Variants in HHLA1 observed in about 807,000 individuals in gnomAD.
HHLA1 encodes the protein HERV-H LTR-associating protein 1.
In HHLA1, 72 loss-of-function variants were observed where a neutral mutation model predicts 69.9. The observed-to-expected ratio is 1.03, with a 90% confidence interval of 0.85 to 1.25. The LOEUF is 1.25. Ranked by LOEUF, HHLA1 falls within the 50% of genes most tolerant of loss-of-function variation. The pLI is 0.00. For missense variants in HHLA1, 685 were observed against 642.2 expected, an observed-to-expected ratio of 1.07 and a Z score of -0.72; for synonymous variants, 252 against 233.2, an observed-to-expected ratio of 1.08 and a Z score of -0.73.
intron 5 of HHLA1, among the ~76,000 whole-genome samples, chr8:132,096,530 A>G (rs763834393): frequency 6.6e-6 from 1 of 152,150 alleles, no homozygotes; most frequent in African/African-American, 2.4e-5. Context: ...TTAAACCAGG[A>G]ATACTAACAT....
At chr8:132,072,711 G>A (rs535721717) in intron 14 of HHLA1, among the ~76,000 whole-genome samples, 2 of 152,196 alleles carry the variant, frequency 1.3e-5, no homozygotes, top group South Asian at 2.1e-4. Context: ...GACTCTCTGC[G>A]GATTGTCTGG....
intron 14 of HHLA1, among the ~76,000 whole-genome samples, chr8:132,073,455 A>G (rs1823582894): frequency 6.6e-6 from 1 of 152,214 alleles, no homozygotes; most frequent in Non-Finnish European, 1.5e-5. Context: ...AGCAGTTGCT[A>G]TGTATCAGGC....
At chr8:132,107,523 C>T (rs1586737710) in intron 1 of HHLA1, among the ~76,000 whole-genome samples, 1 of 152,082 alleles carries the variant, frequency 6.6e-6, no homozygotes, top group South Asian at 2.1e-4. Context: ...CTGGTCTCGA[C>T]TCCCGACCTC....
At chr8:132,084,114 A>C (rs1266039361) in intron 10 of HHLA1, among the ~76,000 whole-genome samples, 4 of 152,152 alleles carry the variant, frequency 2.6e-5, no homozygotes, top group Non-Finnish European at 5.9e-5. Context: ...AACCTTGACT[A>C]TGCCTTTGGC....
intron 7 of HHLA1, among the ~76,000 whole-genome samples, chr8:132,090,762 T>C (rs1281699046): frequency 1.3e-5 from 2 of 149,482 alleles, no homozygotes. Flanking sequence ...TCTCTTTTTT[T>C]TTTTTTTTTT....
intron 14 of HHLA1, among the ~76,000 whole-genome samples, chr8:132,073,373 A>G (rs904617622): frequency 6.6e-6 from 1 of 152,332 alleles, no homozygotes; most frequent in Non-Finnish European, 1.5e-5. Flanking sequence ...TGAGTTAACT[A>G]GAAGATAAAC....
chr8:132,074,476 C>CT (rs1403504197), intron 14 of HHLA1, among the ~76,000 whole-genome samples: 1 of 152,148 alleles, frequency 6.6e-6, no homozygotes, highest in African/African-American at 2.4e-5. Flanking sequence ...GATATTACCT[C>CT]TCCTGCAGAA....
intron 7 of HHLA1, among the ~76,000 whole-genome samples, chr8:132,093,991 G>A (rs1027026365): frequency 5.3e-5 from 8 of 152,182 alleles, no homozygotes; most frequent in African/African-American, 1.9e-4. Context: ...ATTTGTTTTA[G>A]AAATTCTACT....
At chr8:132,090,549 CAATT>C (rs1355851190) in intron 7 of HHLA1, among the ~76,000 whole-genome samples, 1 of 152,076 alleles carries the variant, frequency 6.6e-6, no homozygotes, top group Non-Finnish European at 1.5e-5. Context: ...TGTTATGTGA[CAATT>C]AGTGGAATGT....
chr8:132,072,486 T>C (rs1823563914), intron 14 of HHLA1, among the ~76,000 whole-genome samples: 1 of 152,162 alleles, frequency 6.6e-6, no homozygotes, highest in African/African-American at 2.4e-5. Context: ...TAGGCACTGG[T>C]GACAGCCACT....
At chr8:132,085,912 T>C (rs563387958) in intron 10 of HHLA1, among the ~76,000 whole-genome samples, 4 of 151,924 alleles carry the variant, frequency 2.6e-5, no homozygotes, top group South Asian at 4.2e-4. Flanking sequence ...TTCACTTCTT[T>C]TGTGATTCTT....
intron 1 of HHLA1, among the ~76,000 whole-genome samples, chr8:132,108,399 AGAGT>A (rs1305341381): frequency 6.6e-6 from 1 of 152,218 alleles, no homozygotes; most frequent in African/African-American, 2.4e-5. Flanking sequence ...TTCATATGAT[AGAGT>A]GAGTCCTCAA....
intron 16 of HHLA1, among the ~76,000 whole-genome samples, chr8:132,065,016 G>A (rs183134708): frequency 2.0e-5 from 3 of 152,248 alleles, no homozygotes; most frequent in Admixed American, 2.0e-4. Flanking sequence ...ACAGTTTAAT[G>A]TAATTCCATG....
chr8:132,106,913 G>A (rs540401932), intron 1 of HHLA1, among the ~76,000 whole-genome samples: 24 of 152,274 alleles, frequency 1.6e-4, no homozygotes, highest in African/African-American at 2.4e-4. Flanking sequence ...CAAGCACTGC[G>A]CAAACATTAT....
At chr8:132,098,011 G>C (rs553914751) in intron 5 of HHLA1, among the ~76,000 whole-genome samples, 1 of 152,148 alleles carries the variant, frequency 6.6e-6, no homozygotes, top group South Asian at 2.1e-4. Flanking sequence ...GTTTGTTTTT[G>C]GTTACTCCTT....
intron 1 of HHLA1, 125 bp from the exon 2 acceptor site, chr8:132,105,411 G>T (rs1824187935): frequency 3.0e-6 from 2 of 662,250 alleles, no homozygotes; most frequent in Non-Finnish European, 5.4e-6. Context: ...GTTAGGAGAG[G>T]TTAGGAAGCT....
At chr8:132,102,493 G>A (rs139017805) in intron 3 of HHLA1, among the ~76,000 whole-genome samples, 58 of 152,340 alleles carry the variant, frequency 3.8e-4, no homozygotes, top group Non-Finnish European at 4.9e-4. Flanking sequence ...CAGGGCAAAT[G>A]CTGCCAACTA....
Position 132,071,505 on chromosome 8 carries a change from A to G in HHLA1, c.1316-12T>C. The G allele has an allele frequency of 1.3e-6, 2 of 1,550,452 alleles. No individual in the cohort carries two copies. Among genetic ancestry groups the G allele is most frequent in the Non-Finnish European group, 8.7e-7 (1 of 1,146,390 alleles). On this transcript the variant is annotated splice_polypyrimidine_tract_variant and intron_variant, in intron 14 of 16. Transcript: ENST00000414222. ...TGGCTGAGGACACCCTAGAAGATGC[A>G]ATCCCAGACCAATTAAATCAGTAAG...
At chr8:132,103,034 G>T (rs1336680504) in intron 3 of HHLA1, among the ~76,000 whole-genome samples, 2 of 152,124 alleles carry the variant, frequency 1.3e-5, no homozygotes, top group Non-Finnish European at 2.9e-5. Flanking sequence ...CTTTAAAATA[G>T]AAGGTTCCTG....
Sources: allele counts gnomAD v4.1 joint callset (sites outside exome capture counted in the v4.1 genomes callset), GRCh38; gene constraint gnomAD v4.1.1; transcripts MANE v1.5; gene names NCBI Gene and HGNC (gene_info 2026-07-23, HGNC 2026-07-21).